The following BNC2 variants were observed in gnomAD, a reference collection of about 807,000 sequenced individuals.
BNC2 encodes zinc finger protein basonuclin-2.
BNC2 carries 20 observed loss-of-function variants against 76.3 expected under a neutral mutation model. The observed-to-expected ratio is 0.26, with a 90% CI of 0.18 to 0.38. The LOEUF is 0.38. BNC2 is among the 10% of genes least tolerant of loss of function. BNC2 has a pLI of 1.00. For synonymous variants in BNC2, 582 were observed against 514.8 expected (o/e 1.13, Z -1.77); for missense variants, 1,382 against 1,399.8 (o/e 0.99, Z 0.20).
At chr9:16,745,328 T>C (rs1020040962) in intron 1 of BNC2, among the ~76,000 whole-genome samples, 13 of 152,210 alleles carry the variant, frequency 8.5e-5, no homozygotes, top group African/African-American at 3.1e-4. Context: ...TGTGCATATG[T>C]TTAATTAATG....
intron 2 of BNC2, among the ~76,000 whole-genome samples, chr9:16,729,857 A>ACT (rs1824456713): frequency 6.6e-6 from 1 of 152,106 alleles, no homozygotes; most frequent in Admixed American, 6.6e-5. Flanking sequence ...TGACCTTCCC[A>ACT]CTAATGGCTG....
intron 5 of BNC2, among the ~76,000 whole-genome samples, chr9:16,479,783 T>C (rs987825046): frequency 2.6e-5 from 4 of 151,736 alleles, no homozygotes; most frequent in Non-Finnish European, 5.9e-5. Context: ...TCTTTCTTTA[T>C]GCACGTTGGG....
intron 5 of BNC2, among the ~76,000 whole-genome samples, chr9:16,445,402 G>A (rs777105358): frequency 6.6e-6 from 1 of 152,044 alleles, no homozygotes; most frequent in Non-Finnish European, 1.5e-5. Context: ...GTTTCTAGGA[G>A]GCCAGCTGGA....
intron 3 of BNC2, chr9:16,625,840 C>G (rs891767023): frequency 6.6e-6 from 1 of 152,152 alleles, no homozygotes; most frequent in African/African-American, 2.4e-5. Context: ...GCATGTGTGG[C>G]GGTATGATCT....
intron 5 of BNC2, among the ~76,000 whole-genome samples, chr9:16,531,489 G>C (rs1219348340): frequency 6.6e-6 from 1 of 151,666 alleles, no homozygotes; most frequent in East Asian, 1.9e-4. Flanking sequence ...ACACTGGTCT[G>C]TGAAGCCAAG....
rs901597231 is a variant in BNC2, at chr9:16,515,807, C to T, written c.669+36723G>A. Among the ~76,000 whole-genome samples, 6 of 148,148 alleles carry T rather than the reference C, an allele frequency of 4.1e-5. No homozygotes were observed. The South Asian group carries it at 8.6e-4, about 21-fold the overall frequency. On this transcript the variant is annotated intron_variant, in intron 5 of 6. Coordinates refer to ENST00000380672, the MANE Select transcript of BNC2 (RefSeq NM_017637.6). ...TAACCATATGACTTTCAATTCCATGCTAAAAAAAAGATATATATATATATA... is the reference window on the plus strand; with the variant it reads ...TAACCATATGACTTTCAATTCCATGTTAAAAAAAAGATATATATATATATA...
intron 1 of BNC2, among the ~76,000 whole-genome samples, chr9:16,745,457 CG>C (rs1242181195): frequency 1.3e-5 from 2 of 152,112 alleles, no homozygotes; most frequent in Non-Finnish European, 2.9e-5. Flanking sequence ...GTAACAGAAA[CG>C]TATGTTCCTT....
intron 1 of BNC2, among the ~76,000 whole-genome samples, chr9:16,833,023 C>G (rs1031419596): frequency 6.6e-6 from 1 of 152,168 alleles, no homozygotes; most frequent in Non-Finnish European, 1.5e-5. Context: ...CCCGCCCTAC[C>G]CAAATTCCTT....
rs771969080 is a variant in BNC2 at position 16,417,247 on chromosome 9, A to AT, written c.*1741dup. On this transcript the variant is annotated 3_prime_UTR_variant, in exon 7 of 7. Transcript: ENST00000380672. Reference sequence around the variant, plus strand: ...GAGTAAATATCATCATTTAGTCAGTATGTTGTGGTAGCTGAGGCTGCCGAT... The same window carrying AT: ...GAGTAAATATCATCATTTAGTCAGTATTGTTGTGGTAGCTGAGGCTGCCGAT... 1.1e-4 allele frequency: 17 copies of AT among 152,614 alleles called. No homozygotes were observed. Among genetic ancestry groups the AT allele is most frequent in the Admixed American group, 3.9e-4 (6 of 15,286 alleles). The allele number at this position is 152,614 out of a possible 1,614,324, so 9.5% of individuals were successfully genotyped here.
At chr9:16,573,327 T>C (rs1245293010) in intron 4 of BNC2, among the ~76,000 whole-genome samples, 2 of 152,088 alleles carry the variant, frequency 1.3e-5, no homozygotes, top group Non-Finnish European at 2.9e-5. Context: ...AAAAGTGATG[T>C]TTAAAAACGT....
intron 5 of BNC2, among the ~76,000 whole-genome samples, chr9:16,510,818 G>A (rs1027595809): frequency 2.6e-5 from 4 of 152,168 alleles, no homozygotes; most frequent in African/African-American, 9.7e-5. Flanking sequence ...TAAAGTGAGG[G>A]AACTGAAAAT....
chr9:16,438,781 C>A lies in BNC2; in HGVS notation c.670-1257G>T, dbSNP rs573264031. Among the ~76,000 whole-genome samples, 3 of 152,244 alleles carry A rather than the reference C, an allele frequency of 2.0e-5. No individual in the cohort carries two copies. In the South Asian group the frequency reaches 6.2e-4, roughly 32 times the overall value. On this transcript the variant is annotated intron_variant, in intron 5 of 6. Coordinates refer to ENST00000380672, the MANE Select transcript of BNC2 (RefSeq NM_017637.6). ...TCGCAAAAAACCTAACAGACCCTACCTTAAAAGGGTGATCGACGTTACCAC... is the reference window on the plus strand; with the variant it reads ...TCGCAAAAAACCTAACAGACCCTACATTAAAAGGGTGATCGACGTTACCAC...
chr9:16,752,459 G>A (rs963127893), intron 1 of BNC2, among the ~76,000 whole-genome samples: 31 of 152,174 alleles, frequency 2.0e-4, no homozygotes, highest in Non-Finnish European at 4.0e-4. Context: ...CAAATGAGAC[G>A]TTTCATGCTG....
chr9:16,435,501 T>C, intron 6 of BNC2, 54 bp downstream of exon 6: 1 of 1,599,232 alleles, frequency 6.3e-7, no homozygotes, highest in Non-Finnish European at 8.6e-7. Flanking sequence ...CCAACATGAC[T>C]GAAAACTGGC....
chr9:16,767,377 A>C (rs1301574464), intron 1 of BNC2, among the ~76,000 whole-genome samples: 1 of 152,222 alleles, frequency 6.6e-6, no homozygotes, highest in Non-Finnish European at 1.5e-5. Flanking sequence ...ACAAGGAAAC[A>C]ATTACATACA....
intron 3 of BNC2, among the ~76,000 whole-genome samples, chr9:16,622,820 C>T (rs989027705): frequency 2.6e-5 from 4 of 152,006 alleles, no homozygotes; most frequent in Admixed American, 6.6e-5. Flanking sequence ...CTAAGGGAAA[C>T]GCATGTAAAG....
chr9:16,469,851 T>C (rs1821783003), intron 5 of BNC2, among the ~76,000 whole-genome samples: 2 of 152,186 alleles, frequency 1.3e-5, no homozygotes, highest in Admixed American at 6.5e-5. Context: ...TGTTATGTTT[T>C]AGCAAAGAGA....
chr9:16,460,393 C>T (rs1821549066), intron 5 of BNC2, among the ~76,000 whole-genome samples: 2 of 151,990 alleles, frequency 1.3e-5, no homozygotes, highest in South Asian at 2.1e-4. Flanking sequence ...GAGGCCAAGG[C>T]GGGTGGATTG....
chr9:16,832,811 C>T (rs1403398542), intron 1 of BNC2, among the ~76,000 whole-genome samples: 3 of 151,988 alleles, frequency 2.0e-5, no homozygotes, highest in African/African-American at 2.4e-5. Flanking sequence ...CTGCAACCCC[C>T]GCCCACTGGG....
Sources: gnomAD v4.1 joint callset for allele counts (sites outside exome capture counted in the v4.1 genomes callset) on GRCh38, gnomAD v4.1.1 for gene constraint, MANE v1.5 for transcripts, NCBI Gene and HGNC (gene_info 2026-07-23, HGNC 2026-07-21) for gene names.